The following BROX variants were observed in gnomAD, a reference collection of about 807,000 sequenced individuals.
BROX encodes the protein BRO1 domain-containing protein BROX.
BROX carries 53 observed loss-of-function variants against 61.0 expected under a neutral mutation model. That is an observed-to-expected ratio of 0.87 (90% CI 0.70 to 1.09). The LOEUF (loss-of-function observed/expected upper bound fraction) is 1.09. BROX is among the 50% of genes least tolerant of loss of function. BROX has a pLI of 0.00. For synonymous variants in BROX, 152 were observed against 160.2 expected (o/e 0.95, Z 0.38); for missense variants, 489 against 472.0 (o/e 1.04, Z -0.33).
intron 1 of BROX, among the ~76,000 whole-genome samples, chr1:222,714,527 ATTTT>A (rs529545113): frequency 7.1e-6 from 1 of 140,192 alleles, no homozygotes; most frequent in African/African-American, 2.7e-5. Context: ...ATGGAACTTA[ATTTT>A]TTTTTTAAGT....
intron 5 of BROX, 88 bp from the exon 6 acceptor site, chr1:222,724,004 C>A: frequency 1.1e-6 from 1 of 898,776 alleles, no homozygotes; most frequent in Non-Finnish European, 1.7e-6. Flanking sequence ...TAAATGACTA[C>A]TTTGGATGTA....
intron 8 of BROX, among the ~76,000 whole-genome samples, chr1:222,728,385 G>A (rs1279201027): frequency 6.6e-6 from 1 of 152,136 alleles, no homozygotes; most frequent in South Asian, 2.1e-4. Flanking sequence ...TCTGATTTGA[G>A]TGACTAGACT....
At chr1:222,716,086 T>G (rs1656583712) in intron 2 of BROX, among the ~76,000 whole-genome samples, 1 of 149,072 alleles carries the variant, frequency 6.7e-6, no homozygotes, top group South Asian at 2.1e-4. Context: ...ACATTTTTAT[T>G]TTTTATTTTT....
Position 222,727,197 on chromosome 1 carries a change from C to T in BROX, c.610C>T (p.His204Tyr). 5 of 1,613,416 alleles carry T rather than the reference C, an allele frequency of 3.1e-6. No individual in the cohort carries two copies. The highest frequency in any genetic ancestry group is 4.2e-6 in the Non-Finnish European group (5 of 1,179,656). The change falls in exon 8 of 13, where the codon CAT becomes TAT. Residue 204 changes from histidine (H) to tyrosine (Y), a missense_variant. Physicochemically the swap from His to Tyr is moderately conservative, Grantham distance 83. Coordinates refer to ENST00000340934, the MANE Select transcript of BROX (RefSeq NM_144695.4). ...VTIARAIELK[H>Y]APGLIAALAY... ...AATTGCTCGAGCAATTGAACTAAAA[C>T]ATGCTCCTGGACTAATTGCTGCACT...
chr1:222,714,575 G>T (rs78981528), intron 1 of BROX, among the ~76,000 whole-genome samples: 36,974 of 145,396 alleles, frequency 0.25, 6,713 homozygotes, highest in African/African-American at 0.55. Flanking sequence ...CCAAGTTTTT[G>T]TTTTTTGTTT....
At chr1:222,723,546 A>T (rs147108194) in intron 5 of BROX, among the ~76,000 whole-genome samples, 132 of 152,312 alleles carry the variant, frequency 8.7e-4, no homozygotes, top group African/African-American at 2.9e-3. Context: ...TTTATGTCAT[A>T]TACTTGTTTT....
Position 222,718,967 on chromosome 1 carries a change from T to A in BROX, c.144T>A (p.Thr48=). The A allele has an allele frequency of 6.2e-7, 1 of 1,613,972 alleles. No individual in the cohort carries two copies. Among genetic ancestry groups the A allele is most frequent in the South Asian group, 1.1e-5 (1 of 91,062 alleles). The change falls in exon 3 of 13, where the codon ACT becomes ACA. Residue 48 remains threonine (T), a synonymous_variant. Coordinates refer to ENST00000340934, the MANE Select transcript of BROX (RefSeq NM_144695.4). ...SSRARLLELF[T]DLSCNPEMMK... The stretch of plus-strand genomic sequence containing the variant: ...GGGCACGACTCCTTGAACTGTTCAC[T>A]GATTTGAGCTGTAATCCAGAAATGA...
At chr1:222,731,285 A>G in intron 11 of BROX, 72 bp from the exon 12 acceptor site, 1 of 1,278,426 alleles carries the variant, frequency 7.8e-7, no homozygotes, top group Non-Finnish European at 1.1e-6. Flanking sequence ...TGTCCCAAAC[A>G]GGACCTTGAA....
In BROX at chr1:222,729,670, A is replaced by G. The variant is rs1272262583; in HGVS notation, c.807A>G (p.Glu269=). 1 of 1,612,976 alleles carries G rather than the reference A, an allele frequency of 6.2e-7. No individual in the cohort carries two copies. The highest frequency in any genetic ancestry group is 8.5e-7 in the Non-Finnish European group (1 of 1,179,180). ...ETLLASDKCG[E]AIRSLQEAEK... is the part of the protein sequence containing the mutation. Reference sequence around the variant, plus strand: ...TATTGGCTAGTGATAAATGCGGTGAAGCAATCAGGTCTCTCCAAGAAGCAG... The same window carrying G: ...TATTGGCTAGTGATAAATGCGGTGAGGCAATCAGGTCTCTCCAAGAAGCAG... The change falls in exon 10 of 13, where the codon GAA becomes GAG. Residue 269 remains glutamate, a synonymous_variant. Coordinates refer to ENST00000340934, the MANE Select transcript of BROX (RefSeq NM_144695.4).
intron 2 of BROX, 135 bp from the exon 3 acceptor site, chr1:222,718,790 G>A (rs1656832821): frequency 1.4e-6 from 1 of 691,316 alleles, no homozygotes; most frequent in African/African-American, 1.8e-5. Flanking sequence ...GTGTTTTAAA[G>A]CTTTTACATT....
rs1657725414 is a variant in BROX at position 222,728,905 on chromosome 1, CAG to C, written c.756+80_756+81del. On this transcript the variant is annotated intron_variant, in intron 9 of 12. Transcript: ENST00000340934. Reference sequence around the variant, plus strand: ...TGGAGTGCCAGGTCTCTCATCTCACCAGAGTCTTTCATTAGCATTTTACAAAT... The same window carrying C: ...TGGAGTGCCAGGTCTCTCATCTCACCAGTCTTTCATTAGCATTTTACAAAT... 8.0e-6 allele frequency: 8 copies of C among 999,402 alleles called. No individual in the cohort carries two copies. In the East Asian group the frequency reaches 1.3e-4, roughly 16 times the overall value. 61.9% of individuals were successfully genotyped at this position (999,402 alleles called of 1,614,324 possible).
At chr1:222,723,215 C>T (rs1657235097) in intron 5 of BROX, among the ~76,000 whole-genome samples, 2 of 152,168 alleles carry the variant, frequency 1.3e-5, no homozygotes, top group African/African-American at 4.8e-5. Context: ...CTATGTGTTT[C>T]TTAAGCATGT....
chr1:222,724,318 G>T (rs571397850), intron 6 of BROX, among the ~76,000 whole-genome samples, 154 bp downstream of exon 6: 1 of 152,164 alleles, frequency 6.6e-6, no homozygotes, highest in Non-Finnish European at 1.5e-5. Flanking sequence ...TTATTGATGA[G>T]TGCAGCCAGT....
At chr1:222,726,569 T>C (rs1366665130) in intron 7 of BROX, among the ~76,000 whole-genome samples, 1 of 151,794 alleles carries the variant, frequency 6.6e-6, no homozygotes, top group Non-Finnish European at 1.5e-5. Flanking sequence ...CATACAAAAT[T>C]AGCTGGGCAT....
In BROX at chr1:222,712,725, A is replaced by G. The variant is rs1656146064; in HGVS notation, c.-234A>G. On this transcript the variant is annotated 5_prime_UTR_variant, in exon 1 of 13. Transcript: ENST00000340934. The stretch of plus-strand genomic sequence containing the variant: ...AACGAAGCGTTTTGAGGGGACTGCA[A>G]CGCCGCGGCAATACCCGCCCCTGAG... 1 of 1,290,656 alleles carries G rather than the reference A, an allele frequency of 7.7e-7. No homozygotes were observed. Among genetic ancestry groups the G allele is most frequent in the African/African-American group, 1.5e-5 (1 of 66,060 alleles). 80.0% of individuals were successfully genotyped at this position (1,290,656 alleles called of 1,614,324 possible).
chr1:222,722,401 T>TAAACTTAA lies in BROX; in HGVS notation c.306-18_306-17insAAACTTAA, dbSNP rs747114546. Reference sequence around the variant, plus strand: ...CTGGATAATTGACAGAACTTAATGATCATGTTTATAATTCCAGTGCCCAGC... The same window carrying TAAACTTAA: ...CTGGATAATTGACAGAACTTAATGATAAACTTAACATGTTTATAATTCCAGTGCCCAGC... On this transcript the variant is annotated splice_polypyrimidine_tract_variant and intron_variant, in intron 4 of 12. Transcript: ENST00000340934. 6.3e-7 allele frequency: 1 copy of TAAACTTAA among 1,591,804 alleles called. No individual in the cohort carries two copies. Among genetic ancestry groups the TAAACTTAA allele is most frequent in the Non-Finnish European group, 8.6e-7 (1 of 1,160,308 alleles).
intron 10 of BROX, 65 bp from the exon 11 acceptor site, chr1:222,729,961 GC>G: frequency 6.7e-7 from 1 of 1,485,528 alleles, no homozygotes; most frequent in Non-Finnish European, 9.1e-7. Context: ...CCAGTTTAAA[GC>G]CTTGTAGGGA....
chr1:222,732,709 T>C lies in BROX; in HGVS notation c.1231T>C (p.Ser411Pro). 1 of 1,608,354 alleles carries C rather than the reference T, an allele frequency of 6.2e-7. No individual in the cohort carries two copies. The highest frequency in any genetic ancestry group is 8.5e-7 in the Non-Finnish European group (1 of 1,175,908). ...TCAAAAGGACACTGGGTGCTACATCTCCTAAAATACAACTTGCACTTAGAA... is the reference window on the plus strand; with the variant it reads ...TCAAAAGGACACTGGGTGCTACATCCCCTAAAATACAACTTGCACTTAGAA... ...KPQKDTGCYI[S>P] Residue 411 changes from serine (S) to proline (P), a missense_variant, in exon 13 of 13, where the codon TCC becomes CCC. Ser to Pro is a moderately conservative substitution (Grantham distance 74). Coordinates refer to ENST00000340934, the MANE Select transcript of BROX (RefSeq NM_144695.4).
In BROX at chr1:222,728,823, G is replaced by C; in HGVS notation, c.751G>C (p.Ala251Pro). ...YLHLKMCFYTAYAYCYHGETL... is the reference protein window; with the variant it reads ...YLHLKMCFYTPYAYCYHGETL... ...TCACTTGAAGATGTGTTTCTACACA[G>C]CTTATGTAAGTATTCACAACGCTAA... Residue 251 changes from alanine to proline, a missense_variant, in exon 9 of 13, where the codon GCT (alanine) becomes CCT (proline). Physicochemically the swap from Ala to Pro is conservative, Grantham distance 27. Transcript: ENST00000340934. The C allele has an allele frequency of 6.3e-7, 1 of 1,581,822 alleles. No homozygotes were observed. The highest frequency in any genetic ancestry group is 8.6e-7 in the Non-Finnish European group (1 of 1,156,254).
Sources: allele counts gnomAD v4.1 joint callset (sites outside exome capture counted in the v4.1 genomes callset), GRCh38; gene constraint gnomAD v4.1.1; transcripts MANE v1.5; gene names NCBI Gene and HGNC (gene_info 2026-07-23, HGNC 2026-07-21).